The following PDS5B variants were observed in gnomAD, a reference collection of about 807,000 sequenced individuals.
The protein encoded by PDS5B is PDS5 cohesin associated factor B, also known as sister chromatid cohesion protein PDS5 homolog B.
Under a neutral mutation model 184.1 loss-of-function variants are expected in PDS5B, and 51 were observed. The ratio of observed to expected loss-of-function variants is 0.28; its 90% CI spans 0.22 to 0.35. The LOEUF (loss-of-function observed/expected upper bound fraction) is 0.35. PDS5B is among the 10% of genes least tolerant of loss of function. The probability of loss-of-function intolerance (pLI) is 1.00; values close to 1 mark genes in which losing one functional copy is unlikely to be tolerated. For missense variants in PDS5B, 1,180 were observed against 1,723.3 expected (o/e 0.68, Z 5.58); for synonymous variants, 566 against 569.2 (o/e 0.99, Z 0.08).
In PDS5B at chr13:32,758,070, C is replaced by CTTTTTTTT; in HGVS notation, c.3057-10_3057-3dup. 1.1e-6 allele frequency: 1 copy of CTTTTTTTT among 930,840 alleles called. No individual in the cohort carries two copies. Among genetic ancestry groups the CTTTTTTTT allele is most frequent in the South Asian group, 2.9e-5 (1 of 34,780 alleles). The allele number at this position is 930,840 out of a possible 1,614,324, so 57.7% of individuals were successfully genotyped here. ...GATTTTCTTCTATATTTCTTTTTTC[C>CTTTTTTTT]TTTTTTTTTTTTTTAGATGTCTTTG... On this transcript the variant is annotated splice_polypyrimidine_tract_variant and intron_variant, in intron 26 of 34. Transcript: ENST00000315596.
chr13:32,620,423 C>T (rs963413822), intron 1 of PDS5B, among the ~76,000 whole-genome samples: 20 of 151,938 alleles, frequency 1.3e-4, no homozygotes, highest in African/African-American at 2.9e-4. Flanking sequence ...TTTGGGAGGC[C>T]GAGGCGGGCG....
intron 19 of PDS5B, among the ~76,000 whole-genome samples, chr13:32,730,285 G>A (rs1423088018): frequency 4.6e-5 from 7 of 152,098 alleles, no homozygotes; most frequent in Non-Finnish European, 8.8e-5. Flanking sequence ...TGTGGCCTCT[G>A]TTCTGTTCCA....
intron 1 of PDS5B, among the ~76,000 whole-genome samples, chr13:32,599,404 A>G (rs1291417803): frequency 6.6e-6 from 1 of 151,822 alleles, no homozygotes; most frequent in Non-Finnish European, 1.5e-5. Flanking sequence ...AGCTGAGATT[A>G]CAGGTGCACG....
At chr13:32,660,009 A>C (rs547449412) in intron 6 of PDS5B, among the ~76,000 whole-genome samples, 1 of 151,794 alleles carries the variant, frequency 6.6e-6, no homozygotes, top group African/African-American at 2.4e-5. Context: ...CTTAGCAGAC[A>C]CTACAAATAG....
At chr13:32,694,436 T>C (rs561056) in intron 14 of PDS5B, 132 bp downstream of exon 14, 428,797 of 654,552 alleles carry the variant, frequency 0.66, 141,571 homozygotes, top group African/African-American at 0.77. Flanking sequence ...GGATTCCTTG[T>C]TTAGAAAACT....
Position 32,775,749 on chromosome 13 carries a change from G to T in PDS5B, c.*697G>T. On this transcript the variant is annotated 3_prime_UTR_variant, in exon 35 of 35. Coordinates refer to ENST00000315596, the MANE Select transcript of PDS5B (RefSeq NM_015032.4). ...TATTGATTTGTCCCAGAATTTTCTG[G>T]CCTTTCATGGCAATGAAAATTTTAA... The T allele has an allele frequency of 5.0e-6, 2 of 403,016 alleles. No individual in the cohort carries two copies. Among genetic ancestry groups the T allele is most frequent in the Admixed American group, 3.1e-5 (1 of 31,994 alleles). 25.0% of individuals were successfully genotyped at this position (403,016 alleles called of 1,614,324 possible). A position where few individuals can be genotyped will look rare whatever the true frequency, so the allele number is the denominator to read the frequency against.
chr13:32,599,125 C>T (rs1566234893), intron 1 of PDS5B, among the ~76,000 whole-genome samples: 1 of 151,038 alleles, frequency 6.6e-6, no homozygotes, highest in Non-Finnish European at 1.5e-5. Context: ...CTCTGGTCTC[C>T]ATTGTTTCTT....
chr13:32,606,819 T>C (rs1380399265), intron 1 of PDS5B, among the ~76,000 whole-genome samples: 1 of 152,232 alleles, frequency 6.6e-6, no homozygotes, highest in Admixed American at 6.5e-5. Context: ...TCATTTGATC[T>C]TCAATCACTC....
intron 6 of PDS5B, among the ~76,000 whole-genome samples, chr13:32,661,054 CATATT>C (rs1271660393): frequency 1.3e-5 from 2 of 151,872 alleles, no homozygotes; most frequent in African/African-American, 4.8e-5. Flanking sequence ...AATAACTAGA[CATATT>C]AAAGGAGAAA....
At chr13:32,735,785 A>G (rs1001888421) in intron 21 of PDS5B, among the ~76,000 whole-genome samples, 1 of 152,152 alleles carries the variant, frequency 6.6e-6, no homozygotes, top group African/African-American at 2.4e-5. Context: ...GTTATTTTGT[A>G]TCTGCTGTGA....
chr13:32,747,517 G>A (rs1280813173), intron 24 of PDS5B, among the ~76,000 whole-genome samples: 1 of 151,042 alleles, frequency 6.6e-6, no homozygotes, highest in Non-Finnish European at 1.5e-5. Context: ...AACTCAGGAG[G>A]CAGAGGTTGC....
intron 6 of PDS5B, among the ~76,000 whole-genome samples, chr13:32,662,505 G>T (rs1950677828): frequency 6.6e-6 from 1 of 152,084 alleles, no homozygotes; most frequent in Non-Finnish European, 1.5e-5. Context: ...GTATTTTAGT[G>T]ATTATAAATC....
intron 6 of PDS5B, among the ~76,000 whole-genome samples, chr13:32,660,999 T>G (rs996757666): frequency 3.3e-5 from 5 of 152,074 alleles, no homozygotes; most frequent in African/African-American, 4.8e-5. Context: ...TTAAAAAAAA[T>G]TATAAATACT....
chr13:32,759,804 T>C (rs777651923), intron 29 of PDS5B, 114 bp downstream of exon 29: 36 of 568,790 alleles, frequency 6.3e-5, no homozygotes, highest in Non-Finnish European at 8.9e-5. Context: ...AGCTGGAAAA[T>C]ATAAGAATTA....
At chr13:32,642,398 AT>A (rs1295692140) in intron 1 of PDS5B, among the ~76,000 whole-genome samples, 1 of 152,180 alleles carries the variant, frequency 6.6e-6, no homozygotes, top group Non-Finnish European at 1.5e-5. Flanking sequence ...AGTACAATAG[AT>A]ACAATGTGAT....
intron 29 of PDS5B, among the ~76,000 whole-genome samples, chr13:32,760,156 T>C (rs1013117012): frequency 7.2e-5 from 11 of 152,066 alleles, no homozygotes; most frequent in African/African-American, 1.2e-4. Flanking sequence ...GGGGTTTCAC[T>C]GTGTTAGCCA....
At chr13:32,634,982 G>T (rs923925035) in intron 1 of PDS5B, among the ~76,000 whole-genome samples, 2 of 149,774 alleles carry the variant, frequency 1.3e-5, no homozygotes, top group Non-Finnish European at 3.0e-5. Context: ...CACAACCTCA[G>T]CAATATTTCT....
chr13:32,595,301 A>G (rs968561664), intron 1 of PDS5B, among the ~76,000 whole-genome samples: 3 of 152,146 alleles, frequency 2.0e-5, no homozygotes, highest in African/African-American at 7.2e-5. Context: ...TGATTCTGAT[A>G]TAGTATTTTT....
intron 34 of PDS5B, among the ~76,000 whole-genome samples, chr13:32,774,641 A>G (rs1471467986): frequency 6.6e-6 from 1 of 152,240 alleles, no homozygotes; most frequent in Non-Finnish European, 1.5e-5. Context: ...CAGAAAGATA[A>G]TGTAAGTTCA....
Sources: gnomAD v4.1 joint callset for allele counts (sites outside exome capture counted in the v4.1 genomes callset) on GRCh38, gnomAD v4.1.1 for gene constraint, MANE v1.5 for transcripts, NCBI Gene and HGNC (gene_info 2026-07-23, HGNC 2026-07-21) for gene names.